The following GAB1 variants were observed in gnomAD, a reference collection of about 807,000 sequenced individuals.
GAB1 encodes GRB2 associated binding protein 1.
Under a neutral mutation model 66.5 loss-of-function variants are expected in GAB1, and 19 were observed. The observed-to-expected ratio is 0.29, with a 90% CI of 0.20 to 0.42. The LOEUF (loss-of-function observed/expected upper bound fraction) is 0.42. Ranked by LOEUF, GAB1 falls within the 10% of genes least tolerant of loss-of-function variation. GAB1 has a pLI of 1.00. For synonymous variants in GAB1, 294 were observed against 301.4 expected (o/e 0.98, Z 0.25); for missense variants, 732 against 858.5 (o/e 0.85, Z 1.84).
At chr4:143,345,710 A>G (rs1728964432) in intron 1 of GAB1, among the ~76,000 whole-genome samples, 1 of 152,226 alleles carries the variant, frequency 6.6e-6, no homozygotes, top group Non-Finnish European at 1.5e-5. Context: ...AAATAATACC[A>G]AGGTCTTCTA....
At chr4:143,409,990 C>T (rs916094779) in intron 1 of GAB1, among the ~76,000 whole-genome samples, 1 of 151,860 alleles carries the variant, frequency 6.6e-6, no homozygotes, top group Non-Finnish European at 1.5e-5. Context: ...CCTGCCTATT[C>T]CAATCTTCAC....
At chr4:143,423,115 C>A (rs908875436) in intron 2 of GAB1, among the ~76,000 whole-genome samples, 2 of 152,114 alleles carry the variant, frequency 1.3e-5, no homozygotes, top group African/African-American at 4.8e-5. Context: ...GTCAGAAATG[C>A]AATGTTCGAG....
intron 6 of GAB1, among the ~76,000 whole-genome samples, chr4:143,455,491 A>G (rs1268272691): frequency 6.6e-6 from 1 of 152,216 alleles, no homozygotes; most frequent in Non-Finnish European, 1.5e-5. Flanking sequence ...GGAGATAACT[A>G]TGGTGAAAAA....
intron 1 of GAB1, among the ~76,000 whole-genome samples, chr4:143,402,955 C>T (rs1731851623): frequency 6.6e-6 from 1 of 152,176 alleles, no homozygotes; most frequent in African/African-American, 2.4e-5. Flanking sequence ...AAGTCAGACA[C>T]AGTCGGTTGT....
At chr4:143,357,158 A>C (rs1009711797) in intron 1 of GAB1, among the ~76,000 whole-genome samples, 1 of 152,134 alleles carries the variant, frequency 6.6e-6, no homozygotes, top group African/African-American at 2.4e-5. Context: ...ATGTGTGAAT[A>C]CCAGTGGTTG....
At chr4:143,439,988 T>C (rs1734135533) in intron 5 of GAB1, 91 bp from the exon 6 acceptor site, 1 of 1,404,640 alleles carries the variant, frequency 7.1e-7, no homozygotes, top group Non-Finnish European at 1.0e-6. Flanking sequence ...AAAAGTACGC[T>C]GAGATCCATA....
intron 3 of GAB1, among the ~76,000 whole-genome samples, chr4:143,437,405 C>T (rs576772801): frequency 2.2e-4 from 34 of 152,202 alleles, no homozygotes; most frequent in African/African-American, 9.6e-5. Context: ...TCACGTATTT[C>T]GATCCTCTTT....
chr4:143,465,176 T>C (rs1735717346), intron 8 of GAB1, among the ~76,000 whole-genome samples: 1 of 152,132 alleles, frequency 6.6e-6, no homozygotes, highest in African/African-American at 2.4e-5. Context: ...AGAACCCTGT[T>C]GTAATTAGAG....
intron 1 of GAB1, among the ~76,000 whole-genome samples, chr4:143,378,252 G>A (rs868716828): frequency 2.0e-5 from 3 of 152,210 alleles, no homozygotes; most frequent in Admixed American, 6.5e-5. Flanking sequence ...AGAACTCCCA[G>A]CAGACCTGAA....
At chr4:143,435,856 A>T (rs571904730) in intron 3 of GAB1, among the ~76,000 whole-genome samples, 33 of 152,204 alleles carry the variant, frequency 2.2e-4, no homozygotes, top group Non-Finnish European at 4.6e-4. Flanking sequence ...TCCTCTAGGA[A>T]GCATTCCTCT....
intron 1 of GAB1, among the ~76,000 whole-genome samples, chr4:143,384,651 G>C (rs996470532): frequency 3.3e-5 from 5 of 152,212 alleles, no homozygotes; most frequent in Non-Finnish European, 7.3e-5. Context: ...CTTTCCTGGA[G>C]AGGGGAGAGC....
chr4:143,433,992 A>C (rs1052809959), intron 3 of GAB1: 30 of 698,492 alleles, frequency 4.3e-5, no homozygotes, highest in Non-Finnish European at 6.4e-5. Flanking sequence ...CCTATTTTGT[A>C]GTCTTTGTTA....
At chr4:143,395,807 C>A in intron 1 of GAB1, 1 of 444,900 alleles carries the variant, frequency 2.2e-6, no homozygotes, top group Non-Finnish European at 4.5e-6. Flanking sequence ...CTCCACATAC[C>A]CTTTCTAAGG....
intron 1 of GAB1, among the ~76,000 whole-genome samples, chr4:143,410,646 T>C (rs1366785550): frequency 2.0e-5 from 3 of 152,212 alleles, no homozygotes. Context: ...AAAATGATGT[T>C]TAAAAACATC....
At chr4:143,429,539 C>T (rs7698825) in intron 2 of GAB1, among the ~76,000 whole-genome samples, 61,494 of 152,000 alleles carry the variant, frequency 0.4, 13,648 homozygotes, top group African/African-American at 0.6. Flanking sequence ...GCCTCTCTTC[C>T]TGAGATCCCA....
chr4:143,389,260 A>G (rs1482813835), intron 1 of GAB1, among the ~76,000 whole-genome samples: 1 of 152,372 alleles, frequency 6.6e-6, no homozygotes, highest in Non-Finnish European at 1.5e-5. Flanking sequence ...ACCAATGTAT[A>G]TAATCAAATA....
At chr4:143,347,539 C>T (rs1646607327) in intron 1 of GAB1, among the ~76,000 whole-genome samples, 2 of 152,226 alleles carry the variant, frequency 1.3e-5, no homozygotes, top group Non-Finnish European at 2.9e-5. Flanking sequence ...GGGTCCATCT[C>T]TCCCCTCCCA....
intron 2 of GAB1, chr4:143,417,318 T>G: frequency 3.4e-6 from 1 of 292,432 alleles, no homozygotes; most frequent in South Asian, 3.2e-5. Flanking sequence ...GACTGAGATT[T>G]GGGGTGCCTA....
intron 1 of GAB1, among the ~76,000 whole-genome samples, chr4:143,399,754 C>G (rs1158946646): frequency 6.6e-6 from 1 of 152,068 alleles, no homozygotes; most frequent in Non-Finnish European, 1.5e-5. Context: ...CATATTTCCA[C>G]AAGTTAAATG....
Sources: gnomAD v4.1 joint callset for allele counts (sites outside exome capture counted in the v4.1 genomes callset) on GRCh38, gnomAD v4.1.1 for gene constraint, MANE v1.5 for transcripts, NCBI Gene and HGNC (gene_info 2026-07-23, HGNC 2026-07-21) for gene names.